Variants in CYB5B observed in about 807,000 individuals in gnomAD.
CYB5B encodes the protein cytochrome b5 type B, also known as cytochrome b5 type B (outer mitochondrial membrane).
In CYB5B, 14 loss-of-function variants were observed where a neutral mutation model predicts 21.3. The ratio of observed to expected loss-of-function variants is 0.66; its 90% CI spans 0.43 to 1.03. The LOEUF (loss-of-function observed/expected upper bound fraction) is 1.03, where lower values mean the gene tolerates loss of function less well. Among genes scored for constraint, CYB5B ranks in the 50% least tolerant of loss-of-function variants. The pLI is 0.00. For missense variants in CYB5B, 166 were observed against 185.1 expected (o/e 0.90, Z 0.60); for synonymous variants, 69 against 68.4 (o/e 1.01, Z -0.04).
chr16:69,453,011 A>T (rs1258371602), intron 3 of CYB5B, among the ~76,000 whole-genome samples: 4 of 151,906 alleles, frequency 2.6e-5, no homozygotes, highest in Non-Finnish European at 5.9e-5. Context: ...AAAAAAAAAA[A>T]GATCTTTCTC....
chr16:69,433,006 C>T (rs760740272), intron 1 of CYB5B, among the ~76,000 whole-genome samples: 2 of 152,086 alleles, frequency 1.3e-5, no homozygotes, highest in African/African-American at 2.4e-5. Context: ...CCGTGTTGGC[C>T]GGGCTGGTCT....
At chr16:69,453,064 G>T (rs2014951857) in intron 3 of CYB5B, among the ~76,000 whole-genome samples, 1 of 151,770 alleles carries the variant, frequency 6.6e-6, no homozygotes, top group Non-Finnish European at 1.5e-5. Flanking sequence ...TGAAAGTGTT[G>T]ATGTGATGAC....
chr16:69,447,767 T>G (rs1018228970), intron 2 of CYB5B, among the ~76,000 whole-genome samples: 5 of 152,208 alleles, frequency 3.3e-5, no homozygotes, highest in African/African-American at 1.2e-4. Flanking sequence ...GTAGCACATG[T>G]AATATCTCTA....
rs899122495 is a variant in CYB5B at position 69,463,490 on chromosome 16, T to G, written c.*970T>G. The G allele has an allele frequency of 3.9e-5, 6 of 152,172 alleles. No individual in the cohort carries two copies. Among genetic ancestry groups the G allele is most frequent in the African/African-American group, 4.8e-5 (2 of 41,432 alleles). 9.4% of individuals were successfully genotyped at this position (152,172 alleles called of 1,614,324 possible). On this transcript the variant is annotated 3_prime_UTR_variant, in exon 5 of 5. Transcript: ENST00000307892. ...TTTGGCACCAGTTTCTAACCATCTG[T>G]TTTTTCTACCCTAGCTATCTTTTAT... is the stretch of plus-strand genomic sequence containing the variant.
chr16:69,440,135 A>G (rs2014805123), intron 1 of CYB5B, among the ~76,000 whole-genome samples: 1 of 152,134 alleles, frequency 6.6e-6, no homozygotes, highest in Non-Finnish European at 1.5e-5. Flanking sequence ...TCAGCTTCCC[A>G]AAGTCCTGGG....
At chr16:69,450,231 A>C (rs981763157) in intron 3 of CYB5B, 4 of 147,296 alleles carry the variant, frequency 2.7e-5, no homozygotes, top group East Asian at 1.9e-4. Flanking sequence ...AAAAAAAAAA[A>C]AAAAAAAAAC....
intron 4 of CYB5B, among the ~76,000 whole-genome samples, chr16:69,460,456 A>G (rs1401247466): frequency 6.6e-6 from 1 of 152,250 alleles, no homozygotes; most frequent in Non-Finnish European, 1.5e-5. Context: ...CATTAGTGAT[A>G]TGTGAATTAA....
At chr16:69,456,853 C>T (rs2014988472) in intron 3 of CYB5B, among the ~76,000 whole-genome samples, 1 of 152,144 alleles carries the variant, frequency 6.6e-6, no homozygotes, top group Non-Finnish European at 1.5e-5. Flanking sequence ...TAAAAACAAG[C>T]GATTTGGTTT....
At chr16:69,447,347 GA>G (rs1166240107) in intron 2 of CYB5B, 69 bp downstream of exon 2, 11 of 1,558,392 alleles carry the variant, frequency 7.1e-6, no homozygotes. Flanking sequence ...ACAGGATGAA[GA>G]AATGAATTAT....
chr16:69,438,315 G>C (rs552640911), intron 1 of CYB5B, among the ~76,000 whole-genome samples: 4 of 152,166 alleles, frequency 2.6e-5, no homozygotes, highest in Non-Finnish European at 5.9e-5. Context: ...ATAGGCATGG[G>C]TTGTCTACCA....
rs1362652904 is a variant in CYB5B, at chr16:69,447,286, C to G, written c.303+8C>G. ...ATTGGTGATATCCATCCGGTAAGAA[C>G]TATCAGAGATGGGAGCCCTTATGCA... On this transcript the variant is annotated splice_region_variant and intron_variant, in intron 2 of 4. Coordinates refer to ENST00000307892, the MANE Select transcript of CYB5B (RefSeq NM_030579.3). The G allele has an allele frequency of 4.3e-6, 7 of 1,612,516 alleles. No homozygotes were observed. The highest frequency in any genetic ancestry group is 5.9e-6 in the Non-Finnish European group (7 of 1,179,536).
chr16:69,447,844 A>G (rs2014892930), intron 2 of CYB5B, among the ~76,000 whole-genome samples: 1 of 152,168 alleles, frequency 6.6e-6, no homozygotes, highest in African/African-American at 2.4e-5. Context: ...GCAGTTAATA[A>G]CACCTTTACC....
At chr16:69,454,441 G>A (rs2014964217) in intron 3 of CYB5B, among the ~76,000 whole-genome samples, 1 of 152,214 alleles carries the variant, frequency 6.6e-6, no homozygotes, top group African/African-American at 2.4e-5. Context: ...TCATAGTTGG[G>A]ACTGTAAAAT....
chr16:69,456,143 T>A (rs919359606), intron 3 of CYB5B, among the ~76,000 whole-genome samples: 2 of 151,918 alleles, frequency 1.3e-5, no homozygotes, highest in African/African-American at 4.8e-5. Context: ...TATATAAATA[T>A]ATTTATTTAT....
chr16:69,433,042 C>A (rs558920540), intron 1 of CYB5B, among the ~76,000 whole-genome samples: 1 of 152,144 alleles, frequency 6.6e-6, no homozygotes, highest in Non-Finnish European at 1.5e-5. Flanking sequence ...AGGTGATCCG[C>A]CTGCCTCAGC....
chr16:69,428,612 T>C (rs2014673003), intron 1 of CYB5B, among the ~76,000 whole-genome samples: 1 of 151,710 alleles, frequency 6.6e-6, no homozygotes, highest in Non-Finnish European at 1.5e-5. Context: ...TCCAAGATTG[T>C]GGCACTGAAC....
chr16:69,428,592 G>C (rs1597278602), intron 1 of CYB5B, among the ~76,000 whole-genome samples: 2 of 152,074 alleles, frequency 1.3e-5, no homozygotes, highest in Non-Finnish European at 2.9e-5. Context: ...GAAGTTGGAG[G>C]TTGCAGCGAT....
At chr16:69,425,996 C>T (rs2014641380) in intron 1 of CYB5B, among the ~76,000 whole-genome samples, 1 of 152,084 alleles carries the variant, frequency 6.6e-6, no homozygotes. Context: ...TTAAAAGTTT[C>T]CCCCAAAGAA....
chr16:69,460,621 A>C (rs1388652177), intron 4 of CYB5B, among the ~76,000 whole-genome samples: 1 of 152,200 alleles, frequency 6.6e-6, no homozygotes, highest in African/African-American at 2.4e-5. Flanking sequence ...ATTATCTAGT[A>C]AATTTGATAG....
Sources: allele counts gnomAD v4.1 joint callset (sites outside exome capture counted in the v4.1 genomes callset), GRCh38; gene constraint gnomAD v4.1.1; transcripts MANE v1.5; gene names NCBI Gene and HGNC (gene_info 2026-07-23, HGNC 2026-07-21).